Variants in TEKT3 observed in about 807,000 individuals in gnomAD.
TEKT3 encodes tektin-3.
Under a neutral mutation model 49.8 loss-of-function variants are expected in TEKT3, and 49 were observed. The ratio of observed to expected loss-of-function variants is 0.98; its 90% CI spans 0.78 to 1.25. The LOEUF is 1.25. Among genes scored for constraint, TEKT3 ranks in the 50% most tolerant of loss-of-function variants. The probability of loss-of-function intolerance (pLI) is 0.00; values close to 1 mark genes in which losing one functional copy is unlikely to be tolerated. For missense variants in TEKT3, 595 were observed against 629.5 expected, an observed-to-expected ratio of 0.95 and a Z score of 0.59; for synonymous variants, 225 against 237.2, an observed-to-expected ratio of 0.95 and a Z score of 0.47.
intron 7 of TEKT3, 119 bp from the exon 8 acceptor site, chr17:15,308,937 G>T (rs576668877): frequency 7.9e-7 from 1 of 1,259,144 alleles, no homozygotes; most frequent in African/African-American, 1.5e-5. Context: ...TGATGAGGAA[G>T]TTGCTTCACC....
At chr17:15,336,574 C>A (rs919780479) in intron 2 of TEKT3, among the ~76,000 whole-genome samples, 1 of 151,666 alleles carries the variant, frequency 6.6e-6, no homozygotes, top group African/African-American at 2.4e-5. Flanking sequence ...AAAAAAAAAT[C>A]TTTCTAACTT....
At chr17:15,307,493 G>A (rs1387531211) in intron 8 of TEKT3, among the ~76,000 whole-genome samples, 1 of 152,202 alleles carries the variant, frequency 6.6e-6, no homozygotes. Context: ...CATCGAGTCA[G>A]GTTAAGAGAT....
intron 3 of TEKT3, among the ~76,000 whole-genome samples, chr17:15,330,353 A>C (rs1428810773): frequency 6.6e-6 from 1 of 152,092 alleles, no homozygotes; most frequent in East Asian, 1.9e-4. Flanking sequence ...GTAATCCACA[A>C]TGTTGGGGGT....
rs1555528983 is a variant in TEKT3 at position 15,306,081 on chromosome 17, T to TTG, written c.1257-1930_1257-1929insCA. 3.8e-3 allele frequency among the ~76,000 whole-genome samples: 502 copies of TTG among 132,880 alleles called. 7 individuals carry two copies. Among genetic ancestry groups the TTG allele is most frequent in the African/African-American group, 0.014 (458 of 33,160 alleles). 87.2% of individuals were successfully genotyped at this position (132,880 alleles called of 152,430 possible). On this transcript the variant is annotated intron_variant, in intron 8 of 8. Coordinates refer to ENST00000395930, the MANE Select transcript of TEKT3 (RefSeq NM_031898.3). ...TACAAATAAAGCTACCACAGTTTATTTATATATATGTGTGTGTGTGTGTGT... is the reference window on the plus strand; with the variant it reads ...TACAAATAAAGCTACCACAGTTTATTTGTATATATATGTGTGTGTGTGTGTGT...
intron 5 of TEKT3, among the ~76,000 whole-genome samples, chr17:15,314,556 C>T (rs1050948235): frequency 1.3e-5 from 2 of 152,230 alleles, no homozygotes; most frequent in African/African-American, 4.8e-5. Flanking sequence ...CAAACTCTTC[C>T]AGACAGGACA....
upstream of TEKT3, among the ~76,000 whole-genome samples, chr17:15,341,977 C>T (rs1024623714): frequency 6.6e-6 from 1 of 152,148 alleles, no homozygotes; most frequent in Non-Finnish European, 1.5e-5. Flanking sequence ...TAACACCTGC[C>T]TAGGTGTTGA....
chr17:15,329,302 C>T, intron 3 of TEKT3, among the ~76,000 whole-genome samples: 1 of 152,154 alleles, frequency 6.6e-6, no homozygotes, highest in Middle Eastern at 3.2e-3. Context: ...TTAAAAAGGA[C>T]CCTCTAATAC....
chr17:15,336,945 A>C (rs1295749025), intron 2 of TEKT3, among the ~76,000 whole-genome samples: 4 of 152,300 alleles, frequency 2.6e-5, no homozygotes, highest in Middle Eastern at 3.4e-3. Context: ...AGGTGACATG[A>C]TACATACTAT....
At chr17:15,323,667 A>C (rs1332222096) in intron 4 of TEKT3, among the ~76,000 whole-genome samples, 2 of 152,182 alleles carry the variant, frequency 1.3e-5, no homozygotes, top group East Asian at 1.9e-4. Flanking sequence ...TTATTCTAAA[A>C]ATTAAGACCT....
chr17:15,318,584 GAGTGCAGT>G (rs1911119598), intron 5 of TEKT3, among the ~76,000 whole-genome samples: 1 of 152,018 alleles, frequency 6.6e-6, no homozygotes, highest in South Asian at 2.1e-4. Flanking sequence ...GCCCAGGCTG[GAGTGCAGT>G]AGCACAATCA....
chr17:15,326,794 C>T (rs1230162305), intron 4 of TEKT3, among the ~76,000 whole-genome samples: 2 of 152,142 alleles, frequency 1.3e-5, no homozygotes, highest in African/African-American at 4.8e-5. Context: ...GTACATGATA[C>T]TTGAAATCTT....
rs145939550 is a variant in TEKT3 at position 15,318,029 on chromosome 17, G to A, written c.734+1048C>T. Among the ~76,000 whole-genome samples the A allele has an allele frequency of 6.6e-3, 880 of 132,566 alleles. 7 individuals are homozygous for A. Among genetic ancestry groups the A allele is most frequent in the African/African-American group, 0.024 (844 of 34,832 alleles). The allele number at this position is 132,566 out of a possible 152,430, so 87.0% of individuals were successfully genotyped here. ...TTTTGAGACGGAGTCTCGCTCCGTC[G>A]CCCAGGCTAGAGTGCAGTGGCGCAA... On this transcript the variant is annotated intron_variant, in intron 5 of 8. Coordinates refer to ENST00000395930, the MANE Select transcript of TEKT3 (RefSeq NM_031898.3).
intron 2 of TEKT3, among the ~76,000 whole-genome samples, chr17:15,334,810 C>T (rs184847149): frequency 4.6e-5 from 7 of 152,224 alleles, no homozygotes; most frequent in Admixed American, 4.6e-4. Context: ...AAAGACATCA[C>T]GTGGGGATGG....
chr17:15,338,220 T>G (rs1051092901), intron 2 of TEKT3, among the ~76,000 whole-genome samples: 2 of 152,152 alleles, frequency 1.3e-5, no homozygotes, highest in Admixed American at 1.3e-4. Flanking sequence ...GGCAAGAAAT[T>G]TGACAACATA....
In TEKT3 at chr17:15,328,092, A is replaced by G; in HGVS notation, c.580-17T>C. 1 of 1,606,798 alleles carries G rather than the reference A, an allele frequency of 6.2e-7. No individual in the cohort carries two copies. Among genetic ancestry groups the G allele is most frequent in the East Asian group, 2.2e-5 (1 of 44,820 alleles). On this transcript the variant is annotated splice_polypyrimidine_tract_variant and intron_variant, in intron 3 of 8. Coordinates refer to ENST00000395930, the MANE Select transcript of TEKT3 (RefSeq NM_031898.3). Reference sequence around the variant, plus strand: ...TCGGGCTACCTACAGATACACAGATAATGGAAAGCACTAATAAAAACTGAC... The same window carrying G: ...TCGGGCTACCTACAGATACACAGATGATGGAAAGCACTAATAAAAACTGAC...
At chr17:15,339,364 T>C (rs1298989969) in intron 2 of TEKT3, among the ~76,000 whole-genome samples, 2 of 152,208 alleles carry the variant, frequency 1.3e-5, no homozygotes, top group African/African-American at 4.8e-5. Context: ...CTAAGACATG[T>C]GCCCAAACAG....
chr17:15,316,392 G>C (rs1911010218), intron 5 of TEKT3, among the ~76,000 whole-genome samples: 1 of 152,140 alleles, frequency 6.6e-6, no homozygotes, highest in Non-Finnish European at 1.5e-5. Context: ...CGTGCACACT[G>C]TCAGGTCTTG....
chr17:15,342,972 G>C (rs1912279679), upstream of TEKT3, among the ~76,000 whole-genome samples: 1 of 152,104 alleles, frequency 6.6e-6, no homozygotes, highest in African/African-American at 2.4e-5. Context: ...ATAGTGTTCT[G>C]CATTTTGTAT....
At chr17:15,318,982 T>C (rs1029261262) in intron 5 of TEKT3, 95 bp downstream of exon 5, 63 of 965,636 alleles carry the variant, frequency 6.5e-5, no homozygotes, top group Non-Finnish European at 9.5e-5. Flanking sequence ...CCTGTGTGTG[T>C]GTCCTTATAA....
Sources: allele counts gnomAD v4.1 joint callset (sites outside exome capture counted in the v4.1 genomes callset), GRCh38; gene constraint gnomAD v4.1.1; transcripts MANE v1.5; gene names NCBI Gene and HGNC (gene_info 2026-07-23, HGNC 2026-07-21).